The following CD33 variants were observed in gnomAD, a reference collection of about 807,000 sequenced individuals.
CD33 encodes the protein myeloid cell surface antigen CD33.
Under a neutral mutation model 31.4 loss-of-function variants are expected in CD33, and 25 were observed. The ratio of observed to expected loss-of-function variants is 0.80; its 90% CI spans 0.58 to 1.11. The LOEUF is 1.11. Among genes scored for constraint, CD33 ranks in the 50% most tolerant of loss-of-function variants. The pLI, the probability that CD33 is intolerant of heterozygous loss-of-function variation, is 0.00. For missense variants in CD33, 407 were observed against 448.1 expected (o/e 0.91, Z 0.83); for synonymous variants, 176 against 180.6 (o/e 0.97, Z 0.20).
At chr19:51,235,942 A>T in intron 6 of CD33, 1 of 696,662 alleles carries the variant, frequency 1.4e-6, no homozygotes, top group South Asian at 1.5e-5. Context: ...GCGGATCACG[A>T]GGTCAGGAGA....
the CD33 span, among the ~76,000 whole-genome samples, chr19:51,214,407 AG>A: frequency 1.3e-5 from 2 of 150,404 alleles, no homozygotes; most frequent in Admixed American, 1.3e-4. Flanking sequence ...CATGTTGGTC[AG>A]GCTGGTCTCG....
chr19:51,233,072 T>C (rs937583552), intron 4 of CD33, among the ~76,000 whole-genome samples: 4 of 151,948 alleles, frequency 2.6e-5, no homozygotes, highest in African/African-American at 9.7e-5. Flanking sequence ...CTGCCTGGGG[T>C]CATGTCTAAA....
intron 5 of CD33, 59 bp downstream of exon 5, chr19:51,235,312 G>C: frequency 6.7e-7 from 1 of 1,503,568 alleles, no homozygotes. Flanking sequence ...ACCTGGTGTA[G>C]AAGGGTCCTG....
upstream of CD33, chr19:51,224,914 G>A (rs115973417): frequency 3.1e-3 from 2,005 of 647,522 alleles, 31 homozygotes; most frequent in African/African-American, 0.032. Flanking sequence ...ATCTCTGGGC[G>A]GGTCTCTGGC....
intron 6 of CD33, chr19:51,239,168 G>A (rs1198035954): frequency 6.0e-6 from 1 of 166,568 alleles, no homozygotes; most frequent in South Asian, 1.7e-4. Context: ...ACCGAGTTCA[G>A]GGTCAACAGA....
the CD33 span, chr19:51,211,939 C>T: frequency 8.0e-6 from 11 of 1,379,226 alleles, no homozygotes; most frequent in African/African-American, 1.4e-4. Context: ...TCCCTGGGCC[C>T]CAGGACCCTC....
At chr19:51,234,468 G>A (rs905419677) in intron 4 of CD33, among the ~76,000 whole-genome samples, 1 of 152,010 alleles carries the variant, frequency 6.6e-6, no homozygotes, top group Non-Finnish European at 1.5e-5. Flanking sequence ...CTTAGCCCTG[G>A]CCTCTGTCCA....
upstream of CD33, among the ~76,000 whole-genome samples, chr19:51,224,134 C>G (rs1980822525): frequency 2.6e-5 from 4 of 152,182 alleles, no homozygotes; most frequent in South Asian, 6.2e-4. Context: ...CTCTTACAGA[C>G]TAAGAGTTTT....
In CD33 at chr19:51,235,165, G is replaced by C; in HGVS notation, c.754G>C (p.Glu252Gln). ...ATCTTTTTTGTCTGCAGGGAAACAA[G>C]AGACCAGAGCAGGAGTGGTTCATGG... Reference protein sequence around the residue: ...IFPGDGSGKQETRAGVVHGAI... With the variant: ...IFPGDGSGKQQTRAGVVHGAI... The change falls in exon 5 of 7, where the codon GAG becomes CAG. Residue 252 changes from glutamate to glutamine, a missense_variant. Coordinates refer to ENST00000262262, the MANE Select transcript of CD33 (RefSeq NM_001772.4). 6.2e-7 allele frequency: 1 copy of C among 1,613,830 alleles called. No homozygotes were observed. The highest frequency in any genetic ancestry group is 8.5e-7 in the Non-Finnish European group (1 of 1,179,702).
At chr19:51,211,261 G>C in the CD33 span, 2 of 1,576,062 alleles carry the variant, frequency 1.3e-6, no homozygotes, top group Non-Finnish European at 1.7e-6. Context: ...GTCAGTGACG[G>C]TACAGGAGGG....
chr19:51,226,246 G>C (rs971277321), intron 3 of CD33, 63 bp from the exon 4 acceptor site: 22 of 1,539,778 alleles, frequency 1.4e-5, no homozygotes, highest in Non-Finnish European at 1.9e-5. Context: ...GGAGTAAGGG[G>C]AAATGCCTAC....
chr19:51,216,805 G>A, the CD33 span, among the ~76,000 whole-genome samples: 4 of 152,170 alleles, frequency 2.6e-5, no homozygotes, highest in Non-Finnish European at 5.9e-5. Context: ...GATATACTGG[G>A]GAACCATCTC....
the CD33 span, among the ~76,000 whole-genome samples, chr19:51,217,362 T>C: frequency 1.3e-5 from 2 of 152,178 alleles, no homozygotes; most frequent in South Asian, 4.1e-4. Context: ...CATCTCACTC[T>C]TTCGAAACTC....
rs529210091 is a variant in CD33, at chr19:51,225,361, T to C, written c.181T>C (p.Phe61Leu). 4 of 1,614,206 alleles carry C rather than the reference T, an allele frequency of 2.5e-6. No homozygotes were observed. Among genetic ancestry groups the C allele is most frequent in the African/African-American group, 1.3e-5 (1 of 75,056 alleles). The stretch of plus-strand genomic sequence containing the variant: ...GAACTCCCCAGTTCATGGTTACTGG[T>C]TCCGGGAAGGAGCCATTATATCCAG... Reference protein sequence around the residue: ...DKNSPVHGYWFREGAIISRDS... With the variant: ...DKNSPVHGYWLREGAIISRDS... The change falls in exon 2 of 7, where the codon TTC (phenylalanine) becomes CTC (leucine). Residue 61 changes from phenylalanine to leucine, a missense_variant. Physicochemically the swap from Phe to Leu is conservative, Grantham distance 22 (BLOSUM62 0). Transcript: ENST00000262262.
At chr19:51,212,253 G>T in the CD33 span, among the ~76,000 whole-genome samples, 2 of 152,040 alleles carry the variant, frequency 1.3e-5, no homozygotes, top group South Asian at 2.1e-4. Flanking sequence ...AAGGAGTGCC[G>T]CCCTTATCTC....
chr19:51,231,076 T>A (rs1981372851), intron 4 of CD33, among the ~76,000 whole-genome samples: 1 of 152,222 alleles, frequency 6.6e-6, no homozygotes, highest in South Asian at 2.1e-4. Flanking sequence ...CATAAATTGA[T>A]TGTATCTTGA....
At chr19:51,211,666 TC>T in the CD33 span, 4 of 1,089,932 alleles carry the variant, frequency 3.7e-6, no homozygotes, top group Admixed American at 9.3e-5. Flanking sequence ...GGGACCCATG[TC>T]CTGGAAGGGG....
intron 6 of CD33, 168 bp from the exon 7 acceptor site, chr19:51,239,350 T>C: frequency 1.9e-6 from 1 of 524,302 alleles, no homozygotes; most frequent in East Asian, 3.2e-5. Flanking sequence ...GTGCTACATG[T>C]GTTAGATAAT....
At chr19:51,213,856 T>C in the CD33 span, among the ~76,000 whole-genome samples, 4 of 148,306 alleles carry the variant, frequency 2.7e-5, no homozygotes, top group Non-Finnish European at 5.9e-5. Context: ...TTTTCTTTTT[T>C]TTTTTTTCCT....
Sources: allele counts gnomAD v4.1 joint callset (sites outside exome capture counted in the v4.1 genomes callset), GRCh38; gene constraint gnomAD v4.1.1; transcripts MANE v1.5; gene names NCBI Gene and HGNC (gene_info 2026-07-23, HGNC 2026-07-21).